Variants in SPOCK3 observed in about 807,000 individuals in gnomAD.
SPOCK3 encodes testican-3.
In SPOCK3, 30 loss-of-function variants were observed where a neutral mutation model predicts 56.6. The ratio of observed to expected loss-of-function variants is 0.53; its 90% CI spans 0.40 to 0.72. SPOCK3 has a LOEUF of 0.72. SPOCK3 is among the 30% of genes least tolerant of loss of function. The probability of loss-of-function intolerance (pLI) is 0.00; values close to 1 mark genes in which losing one functional copy is unlikely to be tolerated. For missense variants in SPOCK3, 527 were observed against 530.0 expected (o/e 0.99, Z 0.06); for synonymous variants, 196 against 183.3 (o/e 1.07, Z -0.56).
chr4:167,233,637 C>G (rs557866067), intron 2 of SPOCK3, among the ~76,000 whole-genome samples: 1 of 152,252 alleles, frequency 6.6e-6, no homozygotes, highest in East Asian at 1.9e-4. Flanking sequence ...AAAGGCACAT[C>G]TGCTGTGTTT....
At chr4:167,070,625 A>G (rs1278921287) in intron 2 of SPOCK3, among the ~76,000 whole-genome samples, 1 of 151,936 alleles carries the variant, frequency 6.6e-6, no homozygotes, top group Non-Finnish European at 1.5e-5. Flanking sequence ...CTAGTTCTAA[A>G]GCTAAAAAAT....
chr4:167,005,389 T>C (rs1377819187), intron 3 of SPOCK3, among the ~76,000 whole-genome samples: 3 of 151,626 alleles, frequency 2.0e-5, no homozygotes, highest in East Asian at 3.9e-4. Context: ...TTTTTTTGTA[T>C]TTTTTAGTAG....
intron 6 of SPOCK3, among the ~76,000 whole-genome samples, chr4:166,803,396 C>T (rs150245235): frequency 1.3e-4 from 20 of 152,140 alleles, no homozygotes; most frequent in East Asian, 9.7e-4. Flanking sequence ...GATGAGTCTC[C>T]GAGCAGGCAT....
At chr4:166,930,406 ATTATAAG>A (rs1423417581) in intron 4 of SPOCK3, among the ~76,000 whole-genome samples, 2 of 152,106 alleles carry the variant, frequency 1.3e-5, no homozygotes, top group Non-Finnish European at 2.9e-5. Flanking sequence ...TTCCTCTGTC[ATTATAAG>A]CAACAAGTGT....
chr4:167,115,733 A>G (rs936014541), intron 2 of SPOCK3, among the ~76,000 whole-genome samples: 1 of 152,098 alleles, frequency 6.6e-6, no homozygotes, highest in Non-Finnish European at 1.5e-5. Flanking sequence ...GCAACAATGA[A>G]AATTAAGAGC....
chr4:167,152,347 G>C (rs147143055), intron 2 of SPOCK3, among the ~76,000 whole-genome samples: 1 of 152,302 alleles, frequency 6.6e-6, no homozygotes, highest in Non-Finnish European at 1.5e-5. Context: ...GATGAAGAGA[G>C]CCGCAAAATG....
At chr4:166,952,777 C>T (rs995873762) in intron 4 of SPOCK3, among the ~76,000 whole-genome samples, 3 of 152,100 alleles carry the variant, frequency 2.0e-5, no homozygotes, top group Non-Finnish European at 4.4e-5. Flanking sequence ...AGAAATGACG[C>T]CACATATCTA....
chr4:167,143,736 G>C (rs971121103), intron 2 of SPOCK3, among the ~76,000 whole-genome samples: 1 of 151,934 alleles, frequency 6.6e-6, no homozygotes, highest in Non-Finnish European at 1.5e-5. Context: ...AAAACCCTGA[G>C]TTCAGGCACT....
intron 3 of SPOCK3, among the ~76,000 whole-genome samples, chr4:167,034,621 C>G (rs1176358137): frequency 2.0e-5 from 3 of 152,106 alleles, no homozygotes; most frequent in African/African-American, 4.8e-5. Context: ...TACATATGTA[C>G]TGTCACTAGC....
rs1740440457 is a variant in SPOCK3, at chr4:166,783,846, G to A, written c.709+8324C>T. The stretch of plus-strand genomic sequence containing the variant: ...TTTTATGTATTACTCAACTGGCATT[G>A]GAGTAAAGTTTAACAGGAATAATGT... On this transcript the variant is annotated intron_variant, in intron 7 of 10. Coordinates refer to ENST00000357545, the MANE Select transcript of SPOCK3 (RefSeq NM_001040159.2). 2.0e-5 allele frequency among the ~76,000 whole-genome samples: 3 copies of A among 152,160 alleles called. No individual in the cohort carries two copies. The Middle Eastern group carries it at 0.01, about 518-fold the overall frequency.
In SPOCK3 at chr4:167,010,519, CAA is replaced by C. The variant is rs11408189; in HGVS notation, c.236-10058_236-10057del. Among the ~76,000 whole-genome samples the C allele has an allele frequency of 3.2e-4, 35 of 109,808 alleles. 1 individual carries two copies. The highest frequency in any genetic ancestry group is 1.1e-3 in the African/African-American group (32 of 28,846). The allele number at this position is 109,808 out of a possible 152,430, so 72.0% of individuals were successfully genotyped here. A position where few individuals can be genotyped will look rare whatever the true frequency, so the allele number is the denominator to read the frequency against. On this transcript the variant is annotated intron_variant, in intron 3 of 10. Transcript: ENST00000357545. ...TGGATGATACAGTGAGACTCTGTCT[CAA>C]AAAAAAAAAAAAAAAAAATCCAGAC... is the stretch of plus-strand genomic sequence containing the variant.
At chr4:167,152,565 T>A (rs551126680) in intron 2 of SPOCK3, among the ~76,000 whole-genome samples, 4 of 152,322 alleles carry the variant, frequency 2.6e-5, no homozygotes, top group African/African-American at 9.6e-5. Context: ...ACCTGAACAC[T>A]TTAAATAATC....
intron 9 of SPOCK3, 106 bp from the exon 10 acceptor site, chr4:166,737,710 C>T: frequency 1.6e-6 from 2 of 1,245,680 alleles, no homozygotes; most frequent in Non-Finnish European, 2.2e-6. Flanking sequence ...TAAAGACTTA[C>T]ACATATGGAG....
Position 166,999,689 on chromosome 4 carries a change from C to A in SPOCK3, c.350+660G>T, listed in dbSNP as rs182977991. Among the ~76,000 whole-genome samples the A allele has an allele frequency of 2.0e-5, 3 of 152,108 alleles. No homozygotes were observed. In the East Asian group the frequency reaches 5.8e-4, roughly 29 times the overall value. On this transcript the variant is annotated intron_variant, in intron 4 of 10. Transcript: ENST00000357545. ...ACAATGAATTCATGTTTGATTGTGGCGCGTTCAAATTTTTAAGACTCAGCA... is the reference window on the plus strand; with the variant it reads ...ACAATGAATTCATGTTTGATTGTGGAGCGTTCAAATTTTTAAGACTCAGCA...
At chr4:167,109,175 AAT>A (rs1491232727) in intron 2 of SPOCK3, among the ~76,000 whole-genome samples, 1 of 75,900 alleles carries the variant, frequency 1.3e-5, no homozygotes, top group Admixed American at 2.5e-4. Context: ...TTTATATAAA[AAT>A]ATATATAAAT....
chr4:167,223,315 C>A (rs1736252230), intron 2 of SPOCK3, among the ~76,000 whole-genome samples: 1 of 140,764 alleles, frequency 7.1e-6, no homozygotes, highest in African/African-American at 2.6e-5. Flanking sequence ...TATGAATAAT[C>A]ATATATAAGC....
intron 2 of SPOCK3, among the ~76,000 whole-genome samples, chr4:167,226,869 A>G (rs186862112): frequency 6.6e-4 from 100 of 152,146 alleles, no homozygotes; most frequent in Non-Finnish European, 1.1e-3. Context: ...AGAGAATTCT[A>G]TCGTTACTCG....
Position 166,906,482 on chromosome 4 carries a change from TA to T in SPOCK3, c.474+6137del, listed in dbSNP as rs34213978. On this transcript the variant is annotated intron_variant, in intron 5 of 10. Transcript: ENST00000357545. ...ACCATGCCTGGCCTGGTTGGCTACA[TA>T]AAAAAAAAAAAAAAAAAACCTACCT... Among the ~76,000 whole-genome samples the T allele has an allele frequency of 2.7e-3, 288 of 107,456 alleles. 1 individual carries two copies. The highest frequency in any genetic ancestry group is 0.01 in the East Asian group (27 of 2,688). 70.5% of individuals were successfully genotyped at this position (107,456 alleles called of 152,430 possible).
chr4:166,812,972 A>G (rs986369873), intron 6 of SPOCK3, among the ~76,000 whole-genome samples: 16 of 151,908 alleles, frequency 1.1e-4, no homozygotes, highest in African/African-American at 3.9e-4. Context: ...TCTCTCTTTA[A>G]TGTAGCATAA....
Sources: gnomAD v4.1 joint callset for allele counts (sites outside exome capture counted in the v4.1 genomes callset) on GRCh38, gnomAD v4.1.1 for gene constraint, MANE v1.5 for transcripts, NCBI Gene and HGNC (gene_info 2026-07-23, HGNC 2026-07-21) for gene names.